Variants in EYS observed in about 807,000 individuals in gnomAD.
The protein encoded by EYS is EGF-like photoreceptor maintenance factor, also known as protein eyes shut homolog.
Under a neutral mutation model 282.1 loss-of-function variants are expected in EYS, and 250 were observed. The observed-to-expected ratio is 0.89, with a 90% CI of 0.80 to 0.98. The LOEUF (loss-of-function observed/expected upper bound fraction) is 0.98. EYS is among the 50% of genes least tolerant of loss of function. The pLI, the probability that EYS is intolerant of heterozygous loss-of-function variation, is 0.00. For missense variants in EYS, 4,016 were observed against 3,709.0 expected (o/e 1.08, Z -2.15); for synonymous variants, 1,355 against 1,282.9 (o/e 1.06, Z -1.20).
intron 1 of EYS, among the ~76,000 whole-genome samples, chr6:65,663,839 C>A (rs1219000374): frequency 6.6e-6 from 1 of 150,610 alleles, no homozygotes; most frequent in Non-Finnish European, 1.5e-5. Flanking sequence ...CGCCACCACG[C>A]CCAGCTAATT....
intron 36 of EYS, among the ~76,000 whole-genome samples, chr6:63,817,636 G>A (rs1329046914): frequency 6.6e-6 from 1 of 152,212 alleles, no homozygotes; most frequent in African/African-American, 2.4e-5. Context: ...ACCTGCAAAT[G>A]ACTGGCATTC....
intron 29 of EYS, among the ~76,000 whole-genome samples, chr6:64,374,934 T>C (rs1019399759): frequency 2.0e-5 from 3 of 152,170 alleles, no homozygotes; most frequent in African/African-American, 7.2e-5. Flanking sequence ...TTTTGGACAT[T>C]TCATTCCTAA....
chr6:64,236,570 C>A (rs1185609112), intron 30 of EYS, among the ~76,000 whole-genome samples: 2 of 152,088 alleles, frequency 1.3e-5, no homozygotes, highest in African/African-American at 4.8e-5. Flanking sequence ...TTCTCCATAT[C>A]CTTGTTGGAT....
intron 31 of EYS, among the ~76,000 whole-genome samples, chr6:64,190,679 G>C (rs897359769): frequency 3.9e-5 from 6 of 152,108 alleles, no homozygotes; most frequent in Non-Finnish European, 7.4e-5. Context: ...CTGGAATCCA[G>C]GTCTTTTGGC....
At chr6:65,594,175 C>T (rs907267359) in intron 2 of EYS, among the ~76,000 whole-genome samples, 3 of 152,078 alleles carry the variant, frequency 2.0e-5, no homozygotes, top group African/African-American at 4.8e-5. Flanking sequence ...TTACCATGTG[C>T]TAGGCATAAT....
chr6:65,429,425 C>A (rs1767792585), intron 5 of EYS, among the ~76,000 whole-genome samples: 2 of 152,260 alleles, frequency 1.3e-5, no homozygotes, highest in Middle Eastern at 6.8e-3. Flanking sequence ...AATTCATTTT[C>A]CAGCAGGCAA....
chr6:64,085,334 G>GACACACA (rs1562192666), intron 31 of EYS, among the ~76,000 whole-genome samples: 13 of 69,642 alleles, frequency 1.9e-4, no homozygotes, highest in African/African-American at 7.4e-4. Context: ...GTGCGCACGT[G>GACACACA]CGCGCGCACA....
At chr6:64,197,012 C>CT (rs528341096) in intron 31 of EYS, among the ~76,000 whole-genome samples, 68 of 151,476 alleles carry the variant, frequency 4.5e-4, no homozygotes, top group African/African-American at 1.6e-3. Context: ...GTGTTTGCTG[C>CT]TGTAGTTGTC....
At chr6:65,500,068 C>T (rs1766393746) in intron 2 of EYS, among the ~76,000 whole-genome samples, 1 of 151,894 alleles carries the variant, frequency 6.6e-6, no homozygotes. Context: ...TAAGGACTTG[C>T]CCAAGCTCAC....
chr6:64,353,275 T>C (rs1771708257), intron 29 of EYS, among the ~76,000 whole-genome samples: 1 of 151,584 alleles, frequency 6.6e-6, no homozygotes, highest in Admixed American at 6.6e-5. Context: ...AATTTATGAC[T>C]TTGAGTCCAA....
intron 22 of EYS, among the ~76,000 whole-genome samples, chr6:64,680,869 C>G (rs984760792): frequency 6.6e-6 from 1 of 152,116 alleles, no homozygotes; most frequent in Non-Finnish European, 1.5e-5. Context: ...TTCCCAAACC[C>G]TCTCCAAGAA....
chr6:64,081,923 T>C lies in EYS; in HGVS notation c.6504A>G (p.Glu2168=), dbSNP rs1190202079. The C allele has an allele frequency of 5.2e-6, 8 of 1,543,536 alleles. No individual in the cohort carries two copies. Among genetic ancestry groups the C allele is most frequent in the Non-Finnish European group, 7.0e-6 (8 of 1,140,202 alleles). ...AGTAGATGGTAACAGTTCTGTTATG[T>C]TCCTTCTCCAGGACAAACTTCAAAA... is the stretch of plus-strand genomic sequence containing the variant. The part of the protein sequence containing the change: ...LPFLKFVLEK[E]HNRTVTIYLT... The change falls in exon 32 of 43, where the codon GAA becomes GAG. Residue 2168 remains glutamate (E), a synonymous_variant. Coordinates refer to ENST00000503581, the MANE Select transcript of EYS (RefSeq NM_001142800.2).
chr6:65,687,561 T>G (rs1321419254), intron 1 of EYS, among the ~76,000 whole-genome samples: 1 of 152,020 alleles, frequency 6.6e-6, no homozygotes, highest in Admixed American at 6.6e-5. Flanking sequence ...CTATTCAACA[T>G]AGTTTGGAAG....
rs59191409 is a variant in EYS, at chr6:64,887,063, G to A, written c.2847-221C>T. On this transcript the variant is annotated intron_variant, in intron 18 of 42. Transcript: ENST00000503581. ...GTGAAATTTTGAAAAACAATGTGTT[G>A]GGTAAATAATTACTGTAACCTGATA... is the stretch of plus-strand genomic sequence containing the variant. 0.15 allele frequency among the ~76,000 whole-genome samples: 23,413 copies of A among 151,432 alleles called. 2,132 individuals are homozygous for A. The highest frequency in any genetic ancestry group is 0.49 in the East Asian group (2,504 of 5,120).
intron 9 of EYS, among the ~76,000 whole-genome samples, chr6:65,344,873 T>C (rs1304991109): frequency 6.6e-6 from 1 of 151,732 alleles, no homozygotes; most frequent in African/African-American, 2.4e-5. Context: ...TCCAATCTTT[T>C]TGTAAACATG....
chr6:64,625,800 T>C (rs568098509), intron 23 of EYS, among the ~76,000 whole-genome samples: 6 of 152,210 alleles, frequency 3.9e-5, no homozygotes, highest in Non-Finnish European at 7.3e-5. Flanking sequence ...ATTGATAAAG[T>C]ACTTGCTGTG....
chr6:64,119,355 T>G (rs1357395483), intron 31 of EYS, among the ~76,000 whole-genome samples: 1 of 152,212 alleles, frequency 6.6e-6, no homozygotes, highest in Non-Finnish European at 1.5e-5. Flanking sequence ...GTATACCACT[T>G]GATTGAATTT....
intron 22 of EYS, among the ~76,000 whole-genome samples, chr6:64,779,006 A>G (rs1407562269): frequency 6.6e-6 from 1 of 152,194 alleles, no homozygotes; most frequent in Non-Finnish European, 1.5e-5. Flanking sequence ...ACTGGCAAGT[A>G]TGCGGAGCAA....
intron 26 of EYS, among the ~76,000 whole-genome samples, chr6:64,448,954 C>T (rs1003316837): frequency 7.9e-5 from 12 of 152,182 alleles, no homozygotes; most frequent in African/African-American, 2.9e-4. Context: ...AGAGCATCTC[C>T]TCCTCCAAAG....
Sources: allele counts gnomAD v4.1 joint callset (sites outside exome capture counted in the v4.1 genomes callset), GRCh38; gene constraint gnomAD v4.1.1; transcripts MANE v1.5; gene names NCBI Gene and HGNC (gene_info 2026-07-23, HGNC 2026-07-21).